Variants in ULK4 observed in about 807,000 individuals in gnomAD.
The protein encoded by ULK4 is inactive serine/threonine-protein kinase ULK4.
In ULK4, 133 loss-of-function variants were observed where a neutral mutation model predicts 160.6. The ratio of observed to expected loss-of-function variants is 0.83; its 90% CI spans 0.72 to 0.96. The LOEUF is 0.96. ULK4 is among the 40% of genes least tolerant of loss of function. The probability of loss-of-function intolerance (pLI) is 0.00; values close to 1 mark genes in which losing one functional copy is unlikely to be tolerated. For synonymous variants in ULK4, 534 were observed against 539.8 expected (o/e 0.99, Z 0.15); for missense variants, 1,580 against 1,499.5 (o/e 1.05, Z -0.89).
intron 33 of ULK4, among the ~76,000 whole-genome samples, chr3:41,459,521 C>T (rs1559618553): frequency 1.3e-5 from 2 of 152,146 alleles, no homozygotes; most frequent in Admixed American, 1.3e-4. Context: ...TGATTCAGTC[C>T]CCATTATCTA....
intron 34 of ULK4, among the ~76,000 whole-genome samples, chr3:41,424,935 C>A (rs1448238585): frequency 2.7e-5 from 4 of 150,736 alleles, no homozygotes; most frequent in African/African-American, 4.9e-5. Context: ...GAGAACTGGG[C>A]AGAGGCTGAG....
At chr3:41,353,516 A>G (rs1387716057) in intron 35 of ULK4, among the ~76,000 whole-genome samples, 2 of 151,912 alleles carry the variant, frequency 1.3e-5, no homozygotes, top group Non-Finnish European at 2.9e-5. Context: ...ATTTTTTTAA[A>G]AATTAGCTGA....
At chr3:41,697,925 T>C (rs1171868824) in intron 27 of ULK4, among the ~76,000 whole-genome samples, 1 of 152,234 alleles carries the variant, frequency 6.6e-6, no homozygotes, top group Non-Finnish European at 1.5e-5. Context: ...ACTCCAGTCC[T>C]GCAAGCTCCA....
chr3:41,934,349 A>G (rs1699692816), intron 4 of ULK4, among the ~76,000 whole-genome samples: 1 of 152,228 alleles, frequency 6.6e-6, no homozygotes, highest in African/African-American at 2.4e-5. Flanking sequence ...AGGTTTAATT[A>G]TATTCTCATA....
chr3:41,399,124 G>T, intron 34 of ULK4, among the ~76,000 whole-genome samples: 1 of 152,126 alleles, frequency 6.6e-6, no homozygotes, highest in Non-Finnish European at 1.5e-5. Flanking sequence ...GCTGCCACTT[G>T]TACCAGCAAT....
intron 19 of ULK4, 102 bp downstream of exon 19, chr3:41,819,321 G>T: frequency 9.5e-7 from 1 of 1,048,896 alleles, no homozygotes. Flanking sequence ...AGCAATACTT[G>T]GTTGACAAGC....
At chr3:41,723,483 T>C (rs1164727905) in intron 22 of ULK4, among the ~76,000 whole-genome samples, 1 of 152,150 alleles carries the variant, frequency 6.6e-6, no homozygotes, top group Admixed American at 6.5e-5. Flanking sequence ...GAGGTGGGAA[T>C]CTAATTTCAT....
At chr3:41,688,005 A>C (rs772302911) in intron 27 of ULK4, 4 of 152,192 alleles carry the variant, frequency 2.6e-5, no homozygotes, top group Non-Finnish European at 5.9e-5. Flanking sequence ...TCTGCCTACA[A>C]CACCCACTCC....
At position 41,593,677 on chromosome 3, in the gene ULK4, C is replaced by G. The variant is rs993571584; in HGVS notation, c.3120+21992G>C. ...GCTAATTTCCATTTTCTTCTTCAGG[C>G]TTTTCTTTATATTTTAGTTTTTATA... On this transcript the variant is annotated intron_variant, in intron 31 of 36. Transcript: ENST00000301831. Among the ~76,000 whole-genome samples, 4 of 152,132 alleles carry G rather than the reference C, an allele frequency of 2.6e-5. No homozygotes were observed. In the East Asian group the frequency reaches 7.7e-4, roughly 29 times the overall value.
chr3:41,923,910 A>G (rs1056478674), intron 5 of ULK4, among the ~76,000 whole-genome samples: 1 of 152,156 alleles, frequency 6.6e-6, no homozygotes, highest in Non-Finnish European at 1.5e-5. Context: ...ACTAGGCCAC[A>G]TTATTGATTT....
intron 32 of ULK4, among the ~76,000 whole-genome samples, chr3:41,563,216 G>A (rs1050010982): frequency 6.6e-6 from 1 of 152,174 alleles, no homozygotes; most frequent in Admixed American, 6.5e-5. Flanking sequence ...TAGGGTTTCT[G>A]CCAAAAGATC....
At chr3:41,756,755 C>G (rs1455074898) in intron 21 of ULK4, among the ~76,000 whole-genome samples, 1 of 152,170 alleles carries the variant, frequency 6.6e-6, no homozygotes, top group Non-Finnish European at 1.5e-5. Context: ...AGATATTGAT[C>G]TACACAAAAT....
chr3:41,533,591 A>G (rs569105561), intron 32 of ULK4, among the ~76,000 whole-genome samples: 1 of 152,282 alleles, frequency 6.6e-6, no homozygotes, highest in South Asian at 2.1e-4. Flanking sequence ...AATTTTATCA[A>G]CACCAGTTAT....
chr3:41,374,320 C>G (rs2081432823), intron 35 of ULK4, among the ~76,000 whole-genome samples: 3 of 152,114 alleles, frequency 2.0e-5, no homozygotes, highest in Non-Finnish European at 4.4e-5. Flanking sequence ...CAAAACCCGG[C>G]AGAGACACAA....
At chr3:41,350,950 A>G (rs2080896890) in intron 35 of ULK4, among the ~76,000 whole-genome samples, 1 of 152,194 alleles carries the variant, frequency 6.6e-6, no homozygotes, top group Non-Finnish European at 1.5e-5. Context: ...AGCATCAATA[A>G]AAGGGACTAC....
At chr3:41,361,612 G>A (rs990305634) in intron 35 of ULK4, among the ~76,000 whole-genome samples, 2 of 152,152 alleles carry the variant, frequency 1.3e-5, no homozygotes, top group Non-Finnish European at 2.9e-5. Context: ...TATGAGATAA[G>A]TTTTCATATC....
At chr3:41,348,302 G>T (rs1443703333) in intron 35 of ULK4, among the ~76,000 whole-genome samples, 1 of 151,462 alleles carries the variant, frequency 6.6e-6, no homozygotes, top group African/African-American at 2.4e-5. Context: ...TGACACAGGC[G>T]TAGCATTCAC....
At chr3:41,352,180 G>A (rs983365101) in intron 35 of ULK4, among the ~76,000 whole-genome samples, 15 of 152,018 alleles carry the variant, frequency 9.9e-5, no homozygotes, top group African/African-American at 2.2e-4. Context: ...TCACTTGACC[G>A]CAGGCTTCCT....
At chr3:41,263,632 T>C (rs1208307853) in intron 35 of ULK4, among the ~76,000 whole-genome samples, 3 of 152,276 alleles carry the variant, frequency 2.0e-5, no homozygotes, top group African/African-American at 2.4e-5. Flanking sequence ...GCATGGACCA[T>C]GACTGCAAGG....
Sources: allele counts gnomAD v4.1 joint callset (sites outside exome capture counted in the v4.1 genomes callset), GRCh38; gene constraint gnomAD v4.1.1; transcripts MANE v1.5; gene names NCBI Gene and HGNC (gene_info 2026-07-23, HGNC 2026-07-21).